Variants in AIMP1 observed in about 807,000 individuals in gnomAD.
AIMP1 encodes the protein aminoacyl tRNA synthetase complex interacting multifunctional protein 1.
In AIMP1, 24 loss-of-function variants were observed where a neutral mutation model predicts 33.1. The observed-to-expected ratio is 0.73, with a 90% CI of 0.53 to 1.02. The LOEUF (loss-of-function observed/expected upper bound fraction) is 1.02, where lower values mean the gene tolerates loss of function less well. Ranked by LOEUF, AIMP1 falls within the 50% of genes least tolerant of loss-of-function variation. The pLI is 0.00. For synonymous variants in AIMP1, 120 were observed against 121.5 expected (o/e 0.99, Z 0.08); for missense variants, 367 against 364.8 (o/e 1.01, Z -0.05).
intron 6 of AIMP1, among the ~76,000 whole-genome samples, chr4:106,339,073 C>A (rs549314734): frequency 6.6e-6 from 1 of 152,294 alleles, no homozygotes; most frequent in South Asian, 2.1e-4. Context: ...ATGCCTGTAC[C>A]CCCAATGTAT....
rs1313426640 is a variant in AIMP1, at chr4:106,337,055, ATTAC to A, written c.772+22_772+25del. 1.2e-6 allele frequency: 2 copies of A among 1,606,748 alleles called. No homozygotes were observed. The highest frequency in any genetic ancestry group is 2.2e-5 in the South Asian group (2 of 90,918). On this transcript the variant is annotated intron_variant, in intron 6 of 6. Coordinates refer to ENST00000672341, the MANE Select transcript of AIMP1 (RefSeq NM_001142416.2). ...TTTCCCAGGTAGGTATTTATTAGTA[ATTAC>A]TTAATAGTTTCGGAATCAGTTCTCA...
chr4:106,318,744 AGTT>A (rs1229319286), intron 1 of AIMP1, among the ~76,000 whole-genome samples: 1 of 152,148 alleles, frequency 6.6e-6, no homozygotes, highest in African/African-American at 2.4e-5. Context: ...ATTGGCATAT[AGTT>A]GTTGAGTGTA....
At chr4:106,344,465 C>A (rs183473711) in intron 6 of AIMP1, among the ~76,000 whole-genome samples, 1 of 152,226 alleles carries the variant, frequency 6.6e-6, no homozygotes, top group Admixed American at 6.5e-5. Context: ...GTGGCTCTAC[C>A]TTCTGAACAT....
rs2125930985 is a variant in AIMP1, at chr4:106,347,710, A to G, written c.*18A>G. On this transcript the variant is annotated 3_prime_UTR_variant, in exon 7 of 7. Transcript: ENST00000672341. ...TCAAATAAAATGCTTCCACTACCAA[A>G]AGACATTAGAGAAAACCTTAAAAGT... 5.6e-6 allele frequency: 9 copies of G among 1,609,544 alleles called. No individual in the cohort carries two copies. Among genetic ancestry groups the G allele is most frequent in the Non-Finnish European group, 7.6e-6 (9 of 1,177,666 alleles).
chr4:106,331,685 GAA>G lies in AIMP1; in HGVS notation c.410_411del (p.Lys137ThrfsTer11). On this transcript the variant is annotated frameshift_variant, in exon 5 of 7. Coordinates refer to ENST00000672341, the MANE Select transcript of AIMP1 (RefSeq NM_001142416.2). LOFTEE classifies it high-confidence loss of function. Reference protein sequence around the residue: ...KIEKKGEKKEKKQQSIAGSAD... With the variant: ...KIEKKGEKKEXKQQSIAGSAD... Reference sequence around the variant, plus strand: ...AATACTTTTTAGGAGAGAAGAAGGAGAAAAAACAGCAATCAATAGCTGGAAGT... The same window carrying G: ...AATACTTTTTAGGAGAGAAGAAGGAGAAAACAGCAATCAATAGCTGGAAGT... 1.2e-6 allele frequency: 2 copies of G among 1,613,984 alleles called. No homozygotes were observed. The highest frequency in any genetic ancestry group is 1.7e-6 in the Non-Finnish European group (2 of 1,179,918).
intron 1 of AIMP1, among the ~76,000 whole-genome samples, chr4:106,324,729 A>C (rs528136528): frequency 6.0e-4 from 91 of 152,172 alleles, no homozygotes; most frequent in African/African-American, 2.0e-3. Context: ...TTTCAACCTT[A>C]AATGTGGCTA....
At chr4:106,347,463 G>C (rs1413710749) in intron 6 of AIMP1, 63 bp from the exon 7 acceptor site, 1 of 1,459,850 alleles carries the variant, frequency 6.9e-7, no homozygotes, top group African/African-American at 1.4e-5. Flanking sequence ...TCTGTGAATA[G>C]TCTCTTTAAT....
intron 1 of AIMP1, among the ~76,000 whole-genome samples, chr4:106,320,305 T>G (rs148050772): frequency 4.6e-5 from 7 of 152,356 alleles, no homozygotes; most frequent in African/African-American, 1.7e-4. Flanking sequence ...AACATTATTT[T>G]AAAAATGTCT....
intron 1 of AIMP1, among the ~76,000 whole-genome samples, chr4:106,317,016 G>T (rs1768955498): frequency 6.6e-6 from 1 of 152,160 alleles, no homozygotes; most frequent in African/African-American, 2.4e-5. Flanking sequence ...ACGGAAATCT[G>T]TGTCTACTTG....
intron 5 of AIMP1, among the ~76,000 whole-genome samples, chr4:106,334,699 A>G (rs950993638): frequency 6.6e-6 from 1 of 152,232 alleles, no homozygotes; most frequent in Non-Finnish European, 1.5e-5. Context: ...AAATAGGGAA[A>G]GAATCTAGTA....
At chr4:106,325,387 C>T (rs566519353) in intron 2 of AIMP1, among the ~76,000 whole-genome samples, 2 of 151,898 alleles carry the variant, frequency 1.3e-5, no homozygotes, top group East Asian at 1.9e-4. Context: ...TGCTTTCCTA[C>T]GTTTTGTAAG....
chr4:106,345,542 A>G (rs1408336007), intron 6 of AIMP1, among the ~76,000 whole-genome samples: 2 of 152,116 alleles, frequency 1.3e-5, no homozygotes, highest in Non-Finnish European at 2.9e-5. Context: ...TAGTTTCTCT[A>G]TTGTCGAATC....
chr4:106,339,264 G>A, intron 6 of AIMP1, among the ~76,000 whole-genome samples: 1 of 152,156 alleles, frequency 6.6e-6, no homozygotes, highest in East Asian at 1.9e-4. Flanking sequence ...TTTGGGAGGG[G>A]CCAGGGGCAG....
intron 6 of AIMP1, among the ~76,000 whole-genome samples, chr4:106,339,939 A>G (rs748049039): frequency 5.9e-5 from 9 of 152,332 alleles, no homozygotes; most frequent in Admixed American, 3.3e-4. Flanking sequence ...TTCTCTAATA[A>G]AAATACTCCT....
intron 1 of AIMP1, among the ~76,000 whole-genome samples, chr4:106,319,695 G>A (rs183184315): frequency 1.2e-3 from 188 of 152,236 alleles, no homozygotes; most frequent in African/African-American, 4.4e-3. Flanking sequence ...TACTGTGCAT[G>A]TCATTCTTAT....
At chr4:106,337,122 C>T in intron 6 of AIMP1, 85 bp downstream of exon 6, 1 of 1,259,360 alleles carries the variant, frequency 7.9e-7, no homozygotes, top group Non-Finnish European at 1.2e-6. Context: ...AAAATCAGTC[C>T]TGTGTAAGAA....
chr4:106,332,286 G>A (rs906357262), intron 5 of AIMP1, among the ~76,000 whole-genome samples: 15 of 151,830 alleles, frequency 9.9e-5, no homozygotes, highest in African/African-American at 2.9e-4. Context: ...TTCAATCTCC[G>A]TGATCCCCTC....
At chr4:106,325,149 A>G (rs756469908) in intron 2 of AIMP1, 31 bp downstream of exon 2, 1 of 1,563,950 alleles carries the variant, frequency 6.4e-7, no homozygotes. Flanking sequence ...TTGAGGAGAT[A>G]CTTAAAATGA....
chr4:106,327,317 C>T (rs540794369), intron 2 of AIMP1, 134 bp from the exon 3 acceptor site: 34 of 630,682 alleles, frequency 5.4e-5, no homozygotes, highest in Non-Finnish European at 9.0e-5. Flanking sequence ...GGCATAAAGG[C>T]ACTGGCCAAA....
Sources: allele counts gnomAD v4.1 joint callset (sites outside exome capture counted in the v4.1 genomes callset), GRCh38; gene constraint gnomAD v4.1.1; transcripts MANE v1.5; gene names NCBI Gene and HGNC (gene_info 2026-07-23, HGNC 2026-07-21).